PLEKHG1: variants seen among roughly 807,000 people sequenced by gnomAD.
The protein encoded by PLEKHG1 is pleckstrin homology domain-containing family G member 1.
PLEKHG1 carries 44 observed loss-of-function variants against 100.8 expected under a neutral mutation model. The observed-to-expected ratio is 0.44, with a 90% confidence interval of 0.34 to 0.56. The LOEUF is 0.56. Ranked by LOEUF, PLEKHG1 falls within the 20% of genes least tolerant of loss-of-function variation. The pLI, the probability that PLEKHG1 is intolerant of heterozygous loss-of-function variation, is 0.01. For missense variants in PLEKHG1, 1,545 were observed against 1,720.9 expected (o/e 0.90, Z 1.81); for synonymous variants, 640 against 662.5 (o/e 0.97, Z 0.52).
intron 1 of PLEKHG1, among the ~76,000 whole-genome samples, chr6:150,732,728 G>T (rs1782336102): frequency 6.6e-6 from 1 of 152,164 alleles, no homozygotes; most frequent in Non-Finnish European, 1.5e-5. Context: ...AGCAATTCTT[G>T]TGCGTCAGCT....
At chr6:150,753,914 C>T (rs1309185931) in intron 2 of PLEKHG1, among the ~76,000 whole-genome samples, 1 of 152,236 alleles carries the variant, frequency 6.6e-6, no homozygotes, top group Non-Finnish European at 1.5e-5. Flanking sequence ...CCTTGCCTTC[C>T]TGTGCTCTGC....
chr6:150,665,982 C>T (rs1208794648), intron 3 of PLEKHG1, among the ~76,000 whole-genome samples: 2 of 152,184 alleles, frequency 1.3e-5, no homozygotes, highest in Non-Finnish European at 1.5e-5. Flanking sequence ...TCCATCTCTC[C>T]TGTGTAATGG....
chr6:150,619,008 G>A lies in PLEKHG1; in HGVS notation c.-204+18991G>A, dbSNP rs114065086. 5.1e-3 allele frequency among the ~76,000 whole-genome samples: 771 copies of A among 152,248 alleles called. 7 individuals are homozygous for A. The highest frequency in any genetic ancestry group is 0.018 in the African/African-American group (740 of 41,534). ...TGAGACTGGAGGATTGCTTGATCCC[G>A]GGAAGTCAAGGCTGTGGTTAGCTGT... On this transcript the variant is annotated intron_variant, in intron 1 of 3. Transcript: ENST00000367326.
At chr6:150,743,762 T>C (rs960712153) in intron 2 of PLEKHG1, among the ~76,000 whole-genome samples, 2 of 152,162 alleles carry the variant, frequency 1.3e-5, no homozygotes, top group African/African-American at 2.4e-5. Context: ...TCCTTTTTTT[T>C]CTACTCATTC....
chr6:150,804,512 T>A (rs1786923649), intron 6 of PLEKHG1, 98 bp from the exon 8 acceptor site: 1 of 1,010,256 alleles, frequency 9.9e-7, no homozygotes, highest in African/African-American at 1.7e-5. Context: ...TAAGCAAAAA[T>A]AAAATATAAG....
chr6:150,831,964 C>G lies in PLEKHG1; in HGVS notation c.2853C>G (p.Asn951Lys). ...TGGACAATCCCTACGACCTGGCCAA[C>G]AGTGGCCTGTCTCAAACAGACCCAG... The change falls in exon 15 of 16, where the codon AAC (asparagine) becomes AAG (lysine). Residue 951 changes from asparagine to lysine, a missense_variant. Physicochemically the swap from Asn to Lys is moderately conservative, Grantham distance 94 (BLOSUM62 0). Transcript: ENST00000358517. The surrounding 1 kb of genome is among the most constrained non-coding windows in gnomAD (Gnocchi z 4.1). 1 of 1,613,578 alleles carries G rather than the reference C, an allele frequency of 6.2e-7. No homozygotes were observed. Among genetic ancestry groups the G allele is most frequent in the Non-Finnish European group, 8.5e-7 (1 of 1,179,554 alleles).
intron 3 of PLEKHG1, among the ~76,000 whole-genome samples, chr6:150,681,027 A>C (rs1317458866): frequency 1.3e-5 from 2 of 152,190 alleles, no homozygotes; most frequent in Non-Finnish European, 2.9e-5. Context: ...ATGAATTTAC[A>C]ATTACATTTT....
At chr6:150,837,260 C>G (rs563386209) in intron 15 of PLEKHG1, among the ~76,000 whole-genome samples, 30 of 152,304 alleles carry the variant, frequency 2.0e-4, no homozygotes, top group African/African-American at 7.2e-4. Context: ...TGTGCACACA[C>G]AGGCAACAGC....
At chr6:150,653,850 A>C (rs1373694173) in intron 3 of PLEKHG1, among the ~76,000 whole-genome samples, 1 of 152,166 alleles carries the variant, frequency 6.6e-6, no homozygotes, top group East Asian at 1.9e-4. Context: ...TATATCAACA[A>C]AGGAAGAAAG....
At chr6:150,605,119 A>G (rs980693292) in intron 1 of PLEKHG1, among the ~76,000 whole-genome samples, 2 of 152,230 alleles carry the variant, frequency 1.3e-5, no homozygotes, top group African/African-American at 2.4e-5. Context: ...ACAGGAGTTT[A>G]TAAATGAAGC....
At chr6:150,803,185 A>G (rs1037522448) in intron 6 of PLEKHG1, among the ~76,000 whole-genome samples, 1 of 152,228 alleles carries the variant, frequency 6.6e-6, no homozygotes, top group Non-Finnish European at 1.5e-5. Context: ...AAACTTGAGT[A>G]CTCAGTAAAA....
intron 3 of PLEKHG1, among the ~76,000 whole-genome samples, chr6:150,655,849 G>A (rs1179823354): frequency 6.6e-6 from 1 of 151,504 alleles, no homozygotes; most frequent in East Asian, 1.9e-4. Flanking sequence ...ACTAACACAA[G>A]AACAGAAAAC....
intron 4 of PLEKHG1, among the ~76,000 whole-genome samples, chr6:150,792,707 A>C (rs1583140948): frequency 1.3e-5 from 2 of 152,066 alleles, no homozygotes; most frequent in East Asian, 3.9e-4. Context: ...AAACCACACC[A>C]CTTCCTAACT....
intron 3 of PLEKHG1, among the ~76,000 whole-genome samples, chr6:150,772,544 A>G (rs966319301): frequency 3.0e-4 from 46 of 152,272 alleles, no homozygotes; most frequent in African/African-American, 1.1e-3. Context: ...GCTTGAGCCC[A>G]GGAGTTTGAG....
chr6:150,840,010 A>G (rs1164384201), exon 16 of PLEKHG1: 1 of 1,614,162 alleles, frequency 6.2e-7, no homozygotes, highest in South Asian at 1.1e-5. Context: ...ACCTATAGTA[A>G]TGGAGAGTTA....
At chr6:150,673,955 G>A (rs916986733) in intron 3 of PLEKHG1, among the ~76,000 whole-genome samples, 3 of 152,064 alleles carry the variant, frequency 2.0e-5, no homozygotes, top group African/African-American at 7.2e-5. Flanking sequence ...GTGTGCCACC[G>A]CGCTCACCCT....
intron 7 of PLEKHG1, 139 bp downstream of exon 8, chr6:150,804,880 A>C (rs1786965040): frequency 1.5e-6 from 1 of 687,354 alleles, no homozygotes; most frequent in Admixed American, 3.1e-5. Context: ...AAAGTTCAGG[A>C]CATCAGTAAT....
intron 3 of PLEKHG1, among the ~76,000 whole-genome samples, chr6:150,704,152 T>TGGAGTGAG (rs1780913022): frequency 6.6e-6 from 1 of 152,206 alleles, no homozygotes; most frequent in African/African-American, 2.4e-5. Context: ...GTTGGTTCTT[T>TGGAGTGAG]GGAGTGAGGG....
rs6901930 is a variant in PLEKHG1 at position 150,727,850 on chromosome 6, G to T, written c.-98-5734G>T. On this transcript the variant is annotated intron_variant, in intron 1 of 15. Coordinates refer to ENST00000358517, the Ensembl canonical transcript of PLEKHG1. The stretch of plus-strand genomic sequence containing the variant: ...AGAAATTCCCAGAAATTCTTACATT[G>T]TTGGCCCTGTGCTTGGGATTTTGGA... 2.2e-4 allele frequency among the ~76,000 whole-genome samples: 34 copies of T among 152,138 alleles called. No individual in the cohort carries two copies. In the East Asian group the frequency reaches 3.9e-3, roughly 17 times the overall value.
Sources: gnomAD v4.1 joint callset for allele counts (sites outside exome capture counted in the v4.1 genomes callset) on GRCh38, gnomAD v4.1.1 for gene constraint, Gnocchi (gnomAD v3.1) non-coding constraint, MANE v1.5 for transcripts, NCBI Gene and HGNC (gene_info 2026-07-23, HGNC 2026-07-21) for gene names.